RBFOX3: variants seen among roughly 807,000 people sequenced by gnomAD.
RBFOX3 encodes RNA binding fox-1 homolog 3.
A neutral mutation model predicts 48.7 loss-of-function variants in RBFOX3; 17 were observed. That is an observed-to-expected ratio of 0.35 (90% CI 0.24 to 0.52). The LOEUF is 0.52. Ranked by LOEUF, RBFOX3 falls within the 20% of genes least tolerant of loss-of-function variation. The pLI is 0.94. For synonymous variants in RBFOX3, 212 were observed against 209.5 expected (o/e 1.01, Z -0.10); for missense variants, 382 against 497.5 (o/e 0.77, Z 2.21).
intron 4 of RBFOX3, among the ~76,000 whole-genome samples, chr17:79,163,902 T>C (rs766942039): frequency 9.2e-5 from 14 of 152,202 alleles, no homozygotes; most frequent in African/African-American, 1.7e-4. Context: ...TGAACTCTTA[T>C]GCTGAGCCAT....
rs782208337 is a variant in RBFOX3 at position 79,535,190 on chromosome 17, A to G, written c.-319-52592T>C. ...TCTCCTGCCTGCTCTGCTACCCTCA[A>G]TGTAGGCCTCCCCCTTGGGCTAGAA... On this transcript the variant is annotated intron_variant, in intron 1 of 14. Transcript: ENST00000693108. The surrounding 1 kb of genome is among the most constrained non-coding windows in gnomAD (Gnocchi z 4.5). 2.0e-5 allele frequency among the ~76,000 whole-genome samples: 3 copies of G among 152,098 alleles called. No homozygotes were observed. The highest frequency in any genetic ancestry group is 4.4e-5 in the Non-Finnish European group (3 of 68,002).
the RBFOX3 span, among the ~76,000 whole-genome samples, chr17:79,649,191 G>A: frequency 6.6e-6 from 1 of 152,016 alleles, no homozygotes; most frequent in East Asian, 1.9e-4. Flanking sequence ...GATTGCCCAG[G>A]CTGGTCTCAA....
intron 1 of RBFOX3, among the ~76,000 whole-genome samples, chr17:79,511,568 C>A (rs1306403247): frequency 6.6e-6 from 1 of 152,162 alleles, no homozygotes; most frequent in Non-Finnish European, 1.5e-5. Context: ...GAGGAGGTAA[C>A]CCTGCAGTGA....
chr17:79,415,688 G>A (rs1194578077), intron 2 of RBFOX3, among the ~76,000 whole-genome samples: 1 of 152,206 alleles, frequency 6.6e-6, no homozygotes, highest in Non-Finnish European at 1.5e-5. Context: ...CAGGGAGCAG[G>A]TCCTCGGAGG....
intron 1 of RBFOX3, among the ~76,000 whole-genome samples, chr17:79,496,331 G>A (rs113153522): frequency 0.19 from 29,125 of 152,018 alleles, 2,981 homozygotes; most frequent in Non-Finnish European, 0.22. Flanking sequence ...CTCTGCCCAC[G>A]GTCTGGCTGC....
At chr17:79,161,464 TA>T (rs2046967693) in intron 4 of RBFOX3, among the ~76,000 whole-genome samples, 1 of 152,238 alleles carries the variant, frequency 6.6e-6, no homozygotes, top group African/African-American at 2.4e-5. Flanking sequence ...CCTCACCTTT[TA>T]AATACAATGC....
intron 4 of RBFOX3, among the ~76,000 whole-genome samples, chr17:79,230,158 G>A (rs1456234042): frequency 2.6e-5 from 4 of 152,192 alleles, no homozygotes; most frequent in East Asian, 1.9e-4. Context: ...TTGGGTTGCC[G>A]TCGGCCTCTA....
At chr17:79,097,867 C>T in intron 9 of RBFOX3, 122 bp from the exon 10 acceptor site, 17 of 1,021,158 alleles carry the variant, frequency 1.7e-5, no homozygotes, top group Non-Finnish European at 2.4e-5. Context: ...GGCGCCTCCC[C>T]GCGCCGGGCC....
chr17:79,188,655 G>T (rs1163450079), intron 4 of RBFOX3, among the ~76,000 whole-genome samples: 1 of 152,180 alleles, frequency 6.6e-6, no homozygotes, highest in East Asian at 1.9e-4. Context: ...GGCTGTGGGT[G>T]CCGCTCACTC....
At chr17:79,181,140 G>A (rs1400749207) in intron 4 of RBFOX3, among the ~76,000 whole-genome samples, 1 of 152,194 alleles carries the variant, frequency 6.6e-6, no homozygotes, top group Non-Finnish European at 1.5e-5. Flanking sequence ...CAGCCAGTGA[G>A]GACTATGTCA....
chr17:79,430,030 G>C (rs1181305460), intron 2 of RBFOX3, among the ~76,000 whole-genome samples: 6 of 152,064 alleles, frequency 3.9e-5, no homozygotes, highest in Admixed American at 2.6e-4. Context: ...GAGGCGAGGT[G>C]GGGGAGCCTG....
At chr17:79,285,463 A>G (rs1402570334) in intron 3 of RBFOX3, among the ~76,000 whole-genome samples, 1 of 152,214 alleles carries the variant, frequency 6.6e-6, no homozygotes, top group Non-Finnish European at 1.5e-5. Flanking sequence ...ACCATCTTCA[A>G]TTAACACAGG....
rs139533169 is a variant in RBFOX3, at chr17:79,269,087, G to T, written c.-73-33282C>A. The stretch of plus-strand genomic sequence containing the variant: ...GTGGGCTTTACATCCAATCACTGGG[G>T]TCCTTCTGAGAAGGGGAGATGCGGA... On this transcript the variant is annotated intron_variant, in intron 3 of 14. Transcript: ENST00000693108. 8.9e-3 allele frequency among the ~76,000 whole-genome samples: 1,357 copies of T among 152,188 alleles called. 10 individuals carry two copies. Among genetic ancestry groups the T allele is most frequent in the Admixed American group, 0.016 (247 of 15,270 alleles).
At chr17:79,399,672 A>G (rs1232799109) in intron 2 of RBFOX3, among the ~76,000 whole-genome samples, 1 of 152,254 alleles carries the variant, frequency 6.6e-6, no homozygotes, top group Non-Finnish European at 1.5e-5. Flanking sequence ...TGAAACCAAA[A>G]GACAATGTCC....
chr17:79,519,848 G>A (rs1182495380), intron 1 of RBFOX3, among the ~76,000 whole-genome samples: 30 of 152,154 alleles, frequency 2.0e-4, no homozygotes, highest in Non-Finnish European at 1.0e-4. Flanking sequence ...GTGCTGTCCC[G>A]CATGGCTGCT....
intron 4 of RBFOX3, among the ~76,000 whole-genome samples, chr17:79,175,416 C>T (rs116930713): frequency 6.4e-4 from 98 of 152,378 alleles, no homozygotes; most frequent in African/African-American, 1.5e-3. Context: ...CAGATGGACA[C>T]GGACCTATGA....
At chr17:79,570,868 G>A (rs1464643027) in intron 1 of RBFOX3, among the ~76,000 whole-genome samples, 2 of 152,200 alleles carry the variant, frequency 1.3e-5, no homozygotes, top group African/African-American at 4.8e-5. Context: ...TGCAATAGCT[G>A]TGGGTTGCTT....
At chr17:79,455,921 C>G (rs943156232) in intron 2 of RBFOX3, among the ~76,000 whole-genome samples, 2 of 152,202 alleles carry the variant, frequency 1.3e-5, no homozygotes, top group African/African-American at 4.8e-5. Flanking sequence ...TTGCACTAAC[C>G]AGGTCCCACC....
chr17:79,209,932 G>A (rs1021552422), intron 4 of RBFOX3, among the ~76,000 whole-genome samples: 1 of 150,308 alleles, frequency 6.7e-6, no homozygotes, highest in Non-Finnish European at 1.5e-5. Flanking sequence ...GGGAGGCGGA[G>A]CTTGCAGTGA....
Sources: allele counts gnomAD v4.1 joint callset (sites outside exome capture counted in the v4.1 genomes callset), GRCh38; gene constraint gnomAD v4.1.1; non-coding constraint Gnocchi (gnomAD v3.1); transcripts MANE v1.5; gene names NCBI Gene and HGNC (gene_info 2026-07-23, HGNC 2026-07-21).